Variants in ATAD3B observed in about 807,000 individuals in gnomAD.
ATAD3B encodes ATPase family AAA domain-containing protein 3B.
Under a neutral mutation model 70.2 loss-of-function variants are expected in ATAD3B, and 59 were observed. That is an observed-to-expected ratio of 0.84 (90% confidence interval 0.68 to 1.04). The LOEUF is 1.04. Among genes scored for constraint, ATAD3B ranks in the 50% least tolerant of loss-of-function variants. The pLI, the probability that ATAD3B is intolerant of heterozygous loss-of-function variation, is 0.00. For missense variants in ATAD3B, 961 were observed against 913.4 expected, an observed-to-expected ratio of 1.05 and a Z score of -0.67; for synonymous variants, 423 against 388.6, an observed-to-expected ratio of 1.09 and a Z score of -1.04.
intron 4 of ATAD3B, among the ~76,000 whole-genome samples, chr1:1,480,150 T>C (rs1639831528): frequency 7.4e-6 from 1 of 135,150 alleles, no homozygotes; most frequent in Non-Finnish European, 1.6e-5. Flanking sequence ...GTGTGCCTCA[T>C]ACATACGGGC....
In ATAD3B at chr1:1,490,543, C is replaced by T; in HGVS notation, c.1506-20C>T. The T allele has an allele frequency of 6.2e-7, 1 of 1,611,442 alleles. No homozygotes were observed. Among genetic ancestry groups the T allele is most frequent in the Non-Finnish European group, 8.5e-7 (1 of 1,179,106 alleles). ...GGGGTCCGCGGCCTTGGCTGCCTCA[C>T]TTGGGAACTCCTTCCCCAGGCGCCT... is the stretch of plus-strand genomic sequence containing the variant. On this transcript the variant is annotated intron_variant, in intron 14 of 15. Transcript: ENST00000673477.
intron 8 of ATAD3B, among the ~76,000 whole-genome samples, chr1:1,485,412 C>T (rs552776822): frequency 6.6e-6 from 1 of 152,140 alleles, no homozygotes; most frequent in African/African-American, 2.4e-5. Context: ...GGCCTGGGAG[C>T]ACATCGGGGT....
rs1640823165 is a variant in ATAD3B at position 1,497,210 on chromosome 1, T to G, written c.*1393T>G. ...CTCTACCTCTGCTCGCTCTCTCCAT[T>G]TCTCTCTTTTTCCTTTTAGAGATGG... On this transcript the variant is annotated 3_prime_UTR_variant, in exon 16 of 16. Coordinates refer to ENST00000673477, the MANE Select transcript of ATAD3B (RefSeq NM_031921.6). The G allele has an allele frequency of 6.6e-6, 1 of 151,740 alleles. No homozygotes were observed. Among genetic ancestry groups the G allele is most frequent in the South Asian group, 2.1e-4 (1 of 4,786 alleles). The allele number at this position is 151,740 out of a possible 1,614,324, so 9.4% of individuals were successfully genotyped here. A position where few individuals can be genotyped will look rare whatever the true frequency, so the allele number is the denominator to read the frequency against.
At chr1:1,508,202 C>T in the ATAD3B span, among the ~76,000 whole-genome samples, 1 of 151,586 alleles carries the variant, frequency 6.6e-6, no homozygotes, top group South Asian at 2.1e-4. Context: ...GGCGGTACGG[C>T]TCCAGTCAGT....
At chr1:1,498,969 T>C (rs1295333959), downstream of ATAD3B, among the ~76,000 whole-genome samples, 62 of 105,898 alleles carry the variant, frequency 5.9e-4, 1 homozygote, top group African/African-American at 3.7e-3. Flanking sequence ...GTGGTTCCTC[T>C]TTTTTTTTTT....
intron 1 of ATAD3B, among the ~76,000 whole-genome samples, chr1:1,476,887 AGCT>A (rs1451604355): frequency 6.6e-6 from 1 of 151,798 alleles, no homozygotes; most frequent in Admixed American, 6.6e-5. Flanking sequence ...GCTCGCTGCA[AGCT>A]CTGCCTCCCA....
chr1:1,508,327 G>A, the ATAD3B span, among the ~76,000 whole-genome samples: 2 of 151,360 alleles, frequency 1.3e-5, no homozygotes, highest in East Asian at 1.9e-4. Context: ...CGGGCACCAC[G>A]TGGTCATCCC....
downstream of ATAD3B, among the ~76,000 whole-genome samples, chr1:1,499,906 T>G (rs1003615473): frequency 1.3e-5 from 2 of 148,320 alleles, no homozygotes; most frequent in African/African-American, 5.0e-5. Flanking sequence ...TTTTTTTTTT[T>G]CTTTTTGAGA....
chr1:1,503,309 G>A, the ATAD3B span: 4 of 410,648 alleles, frequency 9.7e-6, no homozygotes, highest in African/African-American at 8.0e-5. Flanking sequence ...AATTGGGCAA[G>A]AGCCTCCTCC....
chr1:1,473,053 G>A (rs1639410906), intron 1 of ATAD3B, among the ~76,000 whole-genome samples: 1 of 149,814 alleles, frequency 6.7e-6, no homozygotes, highest in Non-Finnish European at 1.5e-5. Context: ...TCCAACTCCT[G>A]ACCTCGTGAT....
Position 1,486,197 on chromosome 1 carries a change from T to C in ATAD3B, c.1051T>C (p.Tyr351His), listed in dbSNP as rs562497326. The change falls in exon 10 of 16, where the codon TAT (tyrosine) becomes CAT (histidine). Residue 351 changes from tyrosine to histidine, a missense_variant. Coordinates refer to ENST00000673477, the MANE Select transcript of ATAD3B (RefSeq NM_031921.6). ...NRGLYRHILL[Y>H]GPPGTGKTLF... is the part of the protein sequence containing the mutation. ...GGGCCTGTACAGGCACATCCTGCTG[T>C]ATGGGCCACCAGGCACCGGGAAGAC... 1 of 1,613,054 alleles carries C rather than the reference T, an allele frequency of 6.2e-7. No homozygotes were observed. The highest frequency in any genetic ancestry group is 2.2e-5 in the East Asian group (1 of 44,856).
In ATAD3B at chr1:1,495,550, T is replaced by C. The variant is rs779427397; in HGVS notation, c.1680T>C (p.Asp560=). 4 of 1,612,990 alleles carry C rather than the reference T, an allele frequency of 2.5e-6. No individual in the cohort carries two copies. Among genetic ancestry groups the C allele is most frequent in the Non-Finnish European group, 3.4e-6 (4 of 1,179,364 alleles). ...TEAMMDACVQ[D]AVQQYRQKMR... ...CCATGATGGACGCCTGTGTGCAAGA[T>C]GCTGTCCAGCAGTACCGACAGAAGA... Residue 560 remains aspartate (D), a synonymous_variant, in exon 16 of 16, where the codon GAT becomes GAC. Transcript: ENST00000673477.
At chr1:1,493,488 C>T (rs749270075) in intron 15 of ATAD3B, among the ~76,000 whole-genome samples, 1 of 151,704 alleles carries the variant, frequency 6.6e-6, no homozygotes, top group Non-Finnish European at 1.5e-5. Flanking sequence ...GCCGCCCAGG[C>T]TGGAGTGCAG....
intron 7 of ATAD3B, chr1:1,484,599 T>G: frequency 5.8e-6 from 1 of 173,862 alleles, no homozygotes; most frequent in Non-Finnish European, 1.2e-5. Flanking sequence ...AGTGCTGGGA[T>G]TACAGACCTG....
the ATAD3B span, among the ~76,000 whole-genome samples, chr1:1,505,702 T>A: frequency 6.6e-6 from 1 of 152,114 alleles, no homozygotes; most frequent in Admixed American, 6.6e-5. Flanking sequence ...TGTCTTCCGG[T>A]CGCTTCTCAC....
chr1:1,478,670 C>T lies in ATAD3B; in HGVS notation c.309C>T (p.Leu103=), dbSNP rs951725411. 36 of 1,545,280 alleles carry T rather than the reference C, an allele frequency of 2.3e-5. No individual in the cohort carries two copies. Among genetic ancestry groups the T allele is most frequent in the African/African-American group, 4.2e-5 (3 of 71,908 alleles). Residue 103 remains leucine (L), a synonymous_variant, in exon 3 of 16, where the codon CTC becomes CTT. Coordinates refer to ENST00000673477, the MANE Select transcript of ATAD3B (RefSeq NM_031921.6). ...AGTATGAGGCCGCCGTGGAGCAGCT[C>T]AAGAGCGAGCAGATCCGGGCGCAGG... ...LKEYEAAVEQ[L]KSEQIRAQAE...
intron 5 of ATAD3B, among the ~76,000 whole-genome samples, 172 bp downstream of exon 5, chr1:1,481,108 T>C (rs1639889196): frequency 7.1e-6 from 1 of 140,550 alleles, no homozygotes; most frequent in Non-Finnish European, 1.5e-5. Flanking sequence ...CACCTCTGTC[T>C]GCGAGTGGAC....
chr1:1,471,782 G>T lies in ATAD3B; in HGVS notation c.-103G>T. On this transcript the variant is annotated 5_prime_UTR_variant, in exon 1 of 16. Transcript: ENST00000673477. ...GGGTGTGTGTTTCGCCTGCGCAGTG[G>T]TCCTGGCCACCGGCTCGCGGCGCGT... 1 of 1,218,062 alleles carries T rather than the reference G, an allele frequency of 8.2e-7. No individual in the cohort carries two copies. Among genetic ancestry groups the T allele is most frequent in the Non-Finnish European group, 1.0e-6 (1 of 975,764 alleles). 75.5% of individuals were successfully genotyped at this position (1,218,062 alleles called of 1,614,324 possible). A position where few individuals can be genotyped will look rare whatever the true frequency, so the allele number is the denominator to read the frequency against.
At chr1:1,475,062 G>A (rs1460606725) in intron 1 of ATAD3B, among the ~76,000 whole-genome samples, 1 of 148,642 alleles carries the variant, frequency 6.7e-6, no homozygotes. Flanking sequence ...GCCTCAGGCC[G>A]CCTCCCCATA....
Sources: gnomAD v4.1 joint callset for allele counts (sites outside exome capture counted in the v4.1 genomes callset) on GRCh38, gnomAD v4.1.1 for gene constraint, MANE v1.5 for transcripts, NCBI Gene and HGNC (gene_info 2026-07-23, HGNC 2026-07-21) for gene names.